Variants in DOCK3 observed in about 807,000 individuals in gnomAD.
DOCK3 encodes the protein dedicator of cytokinesis protein 3.
A neutral mutation model predicts 265.6 loss-of-function variants in DOCK3; 60 were observed. The observed-to-expected ratio is 0.23, with a 90% CI of 0.18 to 0.28. DOCK3 has a LOEUF of 0.28. Ranked by LOEUF, DOCK3 falls within the 10% of genes least tolerant of loss-of-function variation. The pLI, the probability that DOCK3 is intolerant of heterozygous loss-of-function variation, is 1.00. For missense variants in DOCK3, 1,981 were observed against 2,594.3 expected (o/e 0.76, Z 5.14); for synonymous variants, 881 against 938.0 (o/e 0.94, Z 1.11).
intron 7 of DOCK3, among the ~76,000 whole-genome samples, chr3:51,078,028 A>G (rs138167526): frequency 4.0e-5 from 6 of 151,070 alleles, no homozygotes; most frequent in Non-Finnish European, 7.4e-5. Flanking sequence ...CAATTTTGCA[A>G]TATCCATACA....
At chr3:50,832,925 G>C (rs1251667765) in intron 2 of DOCK3, among the ~76,000 whole-genome samples, 3 of 152,150 alleles carry the variant, frequency 2.0e-5, no homozygotes, top group Admixed American at 2.0e-4. Flanking sequence ...AGATTAATAA[G>C]TCTTCAATTT....
intron 5 of DOCK3, among the ~76,000 whole-genome samples, chr3:51,054,684 C>T (rs2109158234): frequency 6.6e-6 from 1 of 152,230 alleles, no homozygotes; most frequent in South Asian, 2.1e-4. Flanking sequence ...TTTCATTCTG[C>T]TTTCAGGCAG....
intron 40 of DOCK3, 103 bp from the exon 41 acceptor site, chr3:51,354,779 G>T (rs542416226): frequency 1.3e-6 from 2 of 1,506,180 alleles, no homozygotes; most frequent in Admixed American, 2.0e-5. Context: ...TACAGAGAAG[G>T]CTCCTAAGAT....
chr3:51,145,520 G>A (rs1035018663), intron 9 of DOCK3, among the ~76,000 whole-genome samples: 1 of 152,116 alleles, frequency 6.6e-6, no homozygotes, highest in Admixed American at 6.5e-5. Flanking sequence ...TCCACAGGCT[G>A]CATGCAGCCC....
chr3:50,933,951 T>C (rs781487772), intron 4 of DOCK3, 30 bp from the exon 5 acceptor site: 2 of 1,471,278 alleles, frequency 1.4e-6, no homozygotes, highest in Non-Finnish European at 9.2e-7. Context: ...TCAGAGATAA[T>C]GTGGCTGTCT....
chr3:51,257,775 C>G (rs902846002), intron 22 of DOCK3, among the ~76,000 whole-genome samples: 3 of 152,344 alleles, frequency 2.0e-5, no homozygotes, highest in Middle Eastern at 6.8e-3. Flanking sequence ...TGTCTCTACA[C>G]AGTATTAGGA....
intron 3 of DOCK3, among the ~76,000 whole-genome samples, chr3:50,854,900 G>A (rs530000269): frequency 1.2e-4 from 18 of 151,984 alleles, no homozygotes; most frequent in Non-Finnish European, 7.4e-5. Flanking sequence ...TTCTCTTCCC[G>A]TTGTTTACTT....
At chr3:51,330,595 A>C (rs1483687606) in intron 33 of DOCK3, among the ~76,000 whole-genome samples, 1 of 152,174 alleles carries the variant, frequency 6.6e-6, no homozygotes, top group Non-Finnish European at 1.5e-5. Context: ...TTTGAGAGAC[A>C]GGTTCCTGTT....
At chr3:51,217,130 A>G (rs2089833246) in intron 14 of DOCK3, among the ~76,000 whole-genome samples, 1 of 145,566 alleles carries the variant, frequency 6.9e-6, no homozygotes, top group Non-Finnish European at 1.5e-5. Context: ...TTTGGCAGAA[A>G]CTATCAAACA....
chr3:50,834,914 C>T (rs2045414784), intron 2 of DOCK3, among the ~76,000 whole-genome samples: 1 of 152,152 alleles, frequency 6.6e-6, no homozygotes, highest in African/African-American at 2.4e-5. Context: ...TTCATTATTG[C>T]ATTAGTGTAC....
rs115940822 is a variant in DOCK3 at position 50,779,319 on chromosome 3, C to T, written c.121+561C>T. On this transcript the variant is annotated intron_variant, in intron 2 of 52. Transcript: ENST00000266037. The stretch of plus-strand genomic sequence containing the variant: ...TATAGTCCATTTATTTGTATGTTTC[C>T]GTCTGATTGGCTGGGCATCTTTAGT... Among the ~76,000 whole-genome samples the T allele has an allele frequency of 7.8e-3, 1,183 of 152,098 alleles. 18 individuals are homozygous for T. The highest frequency in any genetic ancestry group is 0.027 in the African/African-American group (1,119 of 41,486).
chr3:50,731,611 G>C (rs1559563608), intron 1 of DOCK3, among the ~76,000 whole-genome samples: 1 of 150,366 alleles, frequency 6.7e-6, no homozygotes, highest in Admixed American at 6.7e-5. Flanking sequence ...AAATAAAAGA[G>C]AAGAATATGC....
At chr3:51,060,427 T>C (rs927201681) in intron 5 of DOCK3, among the ~76,000 whole-genome samples, 13 of 152,230 alleles carry the variant, frequency 8.5e-5, no homozygotes, top group Admixed American at 7.2e-4. Context: ...TTTTGGCTTC[T>C]GTTGCCATTG....
chr3:51,350,186 C>T (rs1465028672), intron 39 of DOCK3, 102 bp from the exon 40 acceptor site: 1 of 988,040 alleles, frequency 1.0e-6, no homozygotes, highest in Admixed American at 2.4e-5. Context: ...GATTGAGTTG[C>T]CATGATCCCT....
intron 1 of DOCK3, among the ~76,000 whole-genome samples, chr3:50,757,594 G>C (rs1055268298): frequency 4.0e-5 from 6 of 151,736 alleles, no homozygotes; most frequent in Non-Finnish European, 7.4e-5. Context: ...TACTTTCTTG[G>C]TGGTCTTTGT....
At chr3:51,033,901 T>C (rs767236459) in intron 5 of DOCK3, among the ~76,000 whole-genome samples, 11 of 152,216 alleles carry the variant, frequency 7.2e-5, no homozygotes, top group Non-Finnish European at 1.5e-4. Context: ...ATAAGCTTTT[T>C]GTAAAGCATC....
intron 3 of DOCK3, among the ~76,000 whole-genome samples, chr3:50,861,454 A>T (rs2046905228): frequency 6.6e-6 from 1 of 152,094 alleles, no homozygotes; most frequent in South Asian, 2.1e-4. Flanking sequence ...TCATTTGGTG[A>T]AGAGTTTAAT....
At chr3:51,372,498 A>G (rs185642914) in intron 49 of DOCK3, among the ~76,000 whole-genome samples, 64 of 152,336 alleles carry the variant, frequency 4.2e-4, no homozygotes, top group Admixed American at 9.1e-4. Context: ...TACAGCCTTC[A>G]GGCTGCTATA....
At position 50,895,253 on chromosome 3, in the gene DOCK3, A is replaced by G. The variant is rs2048839392; in HGVS notation, c.218+5172A>G. Among the ~76,000 whole-genome samples, 4 of 145,032 alleles carry G rather than the reference A, an allele frequency of 2.8e-5. 1 individual carries two copies. ...CTTGAAAAACTCTTTTTTTCCTTCA[A>G]CTTTAATTTTAACTTCCAGGGTACA... On this transcript the variant is annotated intron_variant, in intron 4 of 52. Coordinates refer to ENST00000266037, the MANE Select transcript of DOCK3 (RefSeq NM_004947.5).
Sources: gnomAD v4.1 joint callset for allele counts (sites outside exome capture counted in the v4.1 genomes callset) on GRCh38, gnomAD v4.1.1 for gene constraint, MANE v1.5 for transcripts, NCBI Gene and HGNC (gene_info 2026-07-23, HGNC 2026-07-21) for gene names.